SNX14: variants seen among roughly 807,000 people sequenced by gnomAD.
SNX14 encodes the protein sorting nexin 14, also known as sorting nexin-14.
In SNX14, 93 loss-of-function variants were observed where a neutral mutation model predicts 133.8. The observed-to-expected ratio is 0.70, with a 90% confidence interval of 0.59 to 0.83. SNX14 has a LOEUF of 0.83. Ranked by LOEUF, SNX14 falls within the 40% of genes least tolerant of loss-of-function variation. SNX14 has a pLI of 0.00. For synonymous variants in SNX14, 368 were observed against 365.6 expected, an observed-to-expected ratio of 1.01 and a Z score of -0.07; for missense variants, 945 against 1,094.9, an observed-to-expected ratio of 0.86 and a Z score of 1.93.
At chr6:85,570,550 T>A (rs1395072240) in intron 4 of SNX14, among the ~76,000 whole-genome samples, 1 of 152,122 alleles carries the variant, frequency 6.6e-6, no homozygotes, top group African/African-American at 2.4e-5. Flanking sequence ...CAACATGTAA[T>A]CAATATAAAA....
rs1158014721 is a variant in SNX14 at position 85,514,206 on chromosome 6, C to T, written c.2421G>A (p.Trp807Ter). Residue 807 changes from tryptophan (W) to a stop codon, truncating the protein, a stop_gained, in exon 25 of 29, where the codon TGG becomes TGA. Transcript: ENST00000314673. LOFTEE classifies it high-confidence loss of function. ...VGRVVFQVPD[W>*]LHHLLMGTRI... ...GAGTTCCCATTAAGAGATGATGAAGCCAGTCAGGAACCTGGAAAACTACCC... is the reference window on the plus strand; with the variant it reads ...GAGTTCCCATTAAGAGATGATGAAGTCAGTCAGGAACCTGGAAAACTACCC... 1 of 1,613,010 alleles carries T rather than the reference C, an allele frequency of 6.2e-7. No homozygotes were observed. The highest frequency in any genetic ancestry group is 8.5e-7 in the Non-Finnish European group (1 of 1,179,662).
In SNX14 at chr6:85,517,741, T is replaced by C. The variant is rs370708955; in HGVS notation, c.2268+15A>G. 1.6e-5 allele frequency: 25 copies of C among 1,570,616 alleles called. No homozygotes were observed. Among genetic ancestry groups the C allele is most frequent in the Non-Finnish European group, 2.1e-5 (25 of 1,167,196 alleles). ...AACTTAAAACTTAATAGTTCTTTAATGCAATGTGCAGTACCTTCTTGTTGT... is the reference window on the plus strand; with the variant it reads ...AACTTAAAACTTAATAGTTCTTTAACGCAATGTGCAGTACCTTCTTGTTGT... On this transcript the variant is annotated intron_variant, in intron 23 of 28. Transcript: ENST00000314673.
At chr6:85,535,497 C>T (rs6454473) in intron 17 of SNX14, among the ~76,000 whole-genome samples, 90,556 of 151,030 alleles carry the variant, frequency 0.6, 27,413 homozygotes, top group Admixed American at 0.68. Flanking sequence ...GCGCCTGCAA[C>T]CCCAGCTACT....
chr6:85,526,420 T>A (rs545462860), intron 20 of SNX14, among the ~76,000 whole-genome samples, 183 bp from the exon 21 acceptor site: 1 of 152,316 alleles, frequency 6.6e-6, no homozygotes, highest in East Asian at 1.9e-4. Flanking sequence ...GCCTTTATAG[T>A]CAGATATGAA....
intron 17 of SNX14, among the ~76,000 whole-genome samples, chr6:85,534,454 A>G (rs1357640994): frequency 1.3e-5 from 2 of 152,196 alleles, no homozygotes; most frequent in African/African-American, 4.8e-5. Flanking sequence ...TCTAAATGGC[A>G]TCATCTTAGT....
At chr6:85,569,345 G>C (rs984764555) in intron 4 of SNX14, among the ~76,000 whole-genome samples, 2 of 152,094 alleles carry the variant, frequency 1.3e-5, no homozygotes, top group African/African-American at 4.8e-5. Context: ...ATCCTAAATA[G>C]AGTTGCCAAA....
chr6:85,569,310 C>A (rs1247001385), intron 4 of SNX14, among the ~76,000 whole-genome samples: 1 of 152,170 alleles, frequency 6.6e-6, no homozygotes, highest in African/African-American at 2.4e-5. Flanking sequence ...CTCTCAACTC[C>A]CTGCTTCCAA....
intron 8 of SNX14, 35 bp from the exon 9 acceptor site, chr6:85,548,411 A>G (rs1294981810): frequency 2.1e-6 from 3 of 1,459,648 alleles, no homozygotes; most frequent in Admixed American, 4.1e-5. Context: ...GTTTATATTT[A>G]GTGATTTATA....
chr6:85,513,657 A>G (rs553918066), intron 26 of SNX14, 143 bp downstream of exon 26: 1 of 608,462 alleles, frequency 1.6e-6, no homozygotes, highest in Non-Finnish European at 2.8e-6. Context: ...TTATTTAACT[A>G]GTGTGTTAAT....
intron 1 of SNX14, among the ~76,000 whole-genome samples, chr6:85,591,926 T>A (rs1388026414): frequency 1.3e-5 from 2 of 152,266 alleles, no homozygotes; most frequent in Non-Finnish European, 2.9e-5. Flanking sequence ...GGCATGAGAA[T>A]CACTTGAACC....
intron 27 of SNX14, among the ~76,000 whole-genome samples, 167 bp from the exon 28 acceptor site, chr6:85,507,456 T>C (rs1291274742): frequency 6.6e-6 from 1 of 152,224 alleles, no homozygotes; most frequent in Admixed American, 6.5e-5. Flanking sequence ...GTATCAATAA[T>C]GTTCTATTCT....
intron 18 of SNX14, among the ~76,000 whole-genome samples, chr6:85,532,343 T>C (rs550240696): frequency 6.6e-6 from 1 of 152,228 alleles, no homozygotes; most frequent in African/African-American, 2.4e-5. Flanking sequence ...GTCTAAGACC[T>C]GGACAGAAGA....
At position 85,519,442 on chromosome 6, in the gene SNX14, A is replaced by C. The variant is rs1387096107; in HGVS notation, c.2108-1394T>G. 1.5e-4 allele frequency among the ~76,000 whole-genome samples: 23 copies of C among 152,250 alleles called. 1 individual carries two copies. Among genetic ancestry groups the C allele is most frequent in the Admixed American group, 1.5e-3 (23 of 15,288 alleles). On this transcript the variant is annotated intron_variant, in intron 21 of 28. Coordinates refer to ENST00000314673, the MANE Select transcript of SNX14 (RefSeq NM_153816.6). ...TGAGGAGTTCAAGACCAGCTTGGGC[A>C]ACAAAGCGAGATCCCATCTCTACAG... is the stretch of plus-strand genomic sequence containing the variant.
chr6:85,578,440 GA>G (rs1339000753), intron 1 of SNX14, among the ~76,000 whole-genome samples: 1 of 152,184 alleles, frequency 6.6e-6, no homozygotes, highest in African/African-American at 2.4e-5. Context: ...GAGAAGGGAA[GA>G]GGGGGGTATC....
chr6:85,512,170 T>C (rs1215540334), intron 26 of SNX14, among the ~76,000 whole-genome samples: 1 of 152,186 alleles, frequency 6.6e-6, no homozygotes, highest in Non-Finnish European at 1.5e-5. Flanking sequence ...CTCTGGTCAC[T>C]TTCTACTGAG....
At chr6:85,515,011 T>G (rs958024683) in intron 23 of SNX14, among the ~76,000 whole-genome samples, 1 of 152,124 alleles carries the variant, frequency 6.6e-6, no homozygotes, top group African/African-American at 2.4e-5. Flanking sequence ...ACGCCTGTAA[T>G]CTCAGCACTT....
At chr6:85,521,424 A>T (rs1338922899) in intron 21 of SNX14, among the ~76,000 whole-genome samples, 3 of 151,730 alleles carry the variant, frequency 2.0e-5, no homozygotes, top group Non-Finnish European at 4.4e-5. Flanking sequence ...TTTTTTTCGT[A>T]GAGACAGAGT....
chr6:85,541,370 T>C (rs1783702892), intron 15 of SNX14, among the ~76,000 whole-genome samples: 1 of 152,228 alleles, frequency 6.6e-6, no homozygotes, highest in Admixed American at 6.5e-5. Context: ...TATTTATTCA[T>C]ATATTTTATG....
At chr6:85,528,157 G>T in intron 20 of SNX14, 105 bp downstream of exon 20, 1 of 637,086 alleles carries the variant, frequency 1.6e-6, no homozygotes, top group Non-Finnish European at 2.5e-6. Context: ...AAATCTACAT[G>T]GACAGGTATT....
Sources: gnomAD v4.1 joint callset for allele counts (sites outside exome capture counted in the v4.1 genomes callset) on GRCh38, gnomAD v4.1.1 for gene constraint, MANE v1.5 for transcripts, NCBI Gene and HGNC (gene_info 2026-07-23, HGNC 2026-07-21) for gene names.